KPNA5: variants seen among roughly 807,000 people sequenced by gnomAD.
KPNA5 encodes importin subunit alpha-6.
KPNA5 carries 46 observed loss-of-function variants against 71.3 expected under a neutral mutation model. That is an observed-to-expected ratio of 0.65 (90% CI 0.51 to 0.83). KPNA5 has a LOEUF of 0.83. Among genes scored for constraint, KPNA5 ranks in the 40% least tolerant of loss-of-function variants. KPNA5 has a pLI of 0.00. For synonymous variants in KPNA5, 207 were observed against 201.4 expected (o/e 1.03, Z -0.24); for missense variants, 547 against 628.3 (o/e 0.87, Z 1.38).
rs546404288 is a variant in KPNA5, at chr6:116,722,191, C to T, written c.822C>T (p.Asp274=). The T allele has an allele frequency of 3.3e-5, 54 of 1,613,110 alleles. No homozygotes were observed. The Admixed American group carries it at 6.5e-4, about 19-fold the overall frequency. Residue 274 remains aspartate, a synonymous_variant, in exon 9 of 14, where the codon GAC becomes GAT. Transcript: ENST00000368564. The stretch of plus-strand genomic sequence containing the variant: ...GCAGTGACCCAGATGTGTTAGCAGA[C>T]GTGTGTTGGGCCCTTTCTTATCTCT... ...LFSSDPDVLA[D]VCWALSYLSD...
In KPNA5 at chr6:116,681,275, C is replaced by A; in HGVS notation, c.-60C>A. 1.2e-6 allele frequency: 2 copies of A among 1,605,970 alleles called. No homozygotes were observed. The highest frequency in any genetic ancestry group is 1.7e-6 in the Non-Finnish European group (2 of 1,175,136). ...GGGCGGAGTGGCGGCCCTTCTGTTA[C>A]CCGCCACACACGTCGCCGCTGGGGA... On this transcript the variant is annotated 5_prime_UTR_variant, in exon 1 of 14. Coordinates refer to ENST00000368564, the MANE Select transcript of KPNA5 (RefSeq NM_001366306.2).
At chr6:116,703,938 T>A (rs539359516) in intron 6 of KPNA5, among the ~76,000 whole-genome samples, 10 of 152,196 alleles carry the variant, frequency 6.6e-5, no homozygotes, top group Non-Finnish European at 1.3e-4. Context: ...TTGTGCAAAT[T>A]CCATGGAGTC....
chr6:116,712,412 G>A (rs1290878902), intron 7 of KPNA5, among the ~76,000 whole-genome samples: 1 of 152,174 alleles, frequency 6.6e-6, no homozygotes, highest in Non-Finnish European at 1.5e-5. Context: ...CTAAGATCAA[G>A]TGTATTATTT....
intron 8 of KPNA5, among the ~76,000 whole-genome samples, chr6:116,718,759 A>AT (rs1447837962): frequency 3.3e-5 from 5 of 149,522 alleles, no homozygotes; most frequent in Admixed American, 1.3e-4. Flanking sequence ...TTTTTTTGAA[A>AT]TTTTCTTTTT....
chr6:116,722,110 C>G lies in KPNA5; in HGVS notation c.757-16C>G. 6.7e-7 allele frequency: 1 copy of G among 1,489,756 alleles called. No homozygotes were observed. The highest frequency in any genetic ancestry group is 9.0e-7 in the Non-Finnish European group (1 of 1,114,008). The allele number at this position is 1,489,756 out of a possible 1,614,324, so 92.3% of individuals were successfully genotyped here. ...AATAGAGAAAAAATTTAAATATGCT[C>G]TTTCTTCCCTTACAGGTTTCACCTT... On this transcript the variant is annotated splice_polypyrimidine_tract_variant and intron_variant, in intron 8 of 13. Transcript: ENST00000368564.
At chr6:116,718,111 C>G (rs1038085720) in intron 8 of KPNA5, among the ~76,000 whole-genome samples, 1 of 152,074 alleles carries the variant, frequency 6.6e-6, no homozygotes, top group African/African-American at 2.4e-5. Context: ...GGTGGGGGAG[C>G]AGCCCTCTCA....
In KPNA5 at chr6:116,681,264, C is replaced by T. The variant is rs1777341204; in HGVS notation, c.-71C>T. ...CTTCACGCCAGGGGCGGAGTGGCGG[C>T]CCTTCTGTTACCCGCCACACACGTC... is the stretch of plus-strand genomic sequence containing the variant. On this transcript the variant is annotated 5_prime_UTR_variant, in exon 1 of 14. Transcript: ENST00000368564. 19 of 1,594,712 alleles carry T rather than the reference C, an allele frequency of 1.2e-5. No homozygotes were observed. The highest frequency in any genetic ancestry group is 8.5e-5 in the Admixed American group (5 of 58,900).
At position 116,733,511 on chromosome 6, in the gene KPNA5, A is replaced by G. The variant is rs1779568468; in HGVS notation, c.*1188A>G. The G allele has an allele frequency of 6.6e-6, 1 of 151,606 alleles. No homozygotes were observed. Among genetic ancestry groups the G allele is most frequent in the Admixed American group, 6.6e-5 (1 of 15,158 alleles). 9.4% of individuals were successfully genotyped at this position (151,606 alleles called of 1,614,324 possible). On this transcript the variant is annotated 3_prime_UTR_variant, in exon 14 of 14. Transcript: ENST00000368564. ...AGATTACATTCATGTCAGATTGATC[A>G]ATATGTATGTTTTATGATTTAACAG...
chr6:116,688,119 T>C (rs1777664826), intron 1 of KPNA5, among the ~76,000 whole-genome samples: 1 of 152,128 alleles, frequency 6.6e-6, no homozygotes, highest in Non-Finnish European at 1.5e-5. Flanking sequence ...CATTTCTCTT[T>C]CCTGTTTTTC....
chr6:116,709,662 T>G (rs536794639), intron 7 of KPNA5, among the ~76,000 whole-genome samples: 1 of 152,326 alleles, frequency 6.6e-6, no homozygotes, highest in South Asian at 2.1e-4. Context: ...TGTCTTTGTC[T>G]TCTTTCTTAT....
chr6:116,716,421 T>A, intron 8 of KPNA5, 103 bp downstream of exon 8: 1 of 754,298 alleles, frequency 1.3e-6, no homozygotes, highest in Non-Finnish European at 2.2e-6. Flanking sequence ...GTTTAGTAAT[T>A]ATTTTCTTTA....
At chr6:116,707,281 ATTTAT>A (rs1214305527) in intron 7 of KPNA5, among the ~76,000 whole-genome samples, 6 of 152,178 alleles carry the variant, frequency 3.9e-5, no homozygotes, top group Admixed American at 6.5e-5. Context: ...TGATATTTTA[ATTTAT>A]TTTATTAGTA....
At chr6:116,727,745 A>C (rs968250684) in intron 12 of KPNA5, among the ~76,000 whole-genome samples, 3 of 152,094 alleles carry the variant, frequency 2.0e-5, no homozygotes, top group Non-Finnish European at 4.4e-5. Context: ...ATTATTTGTA[A>C]TCATCATAAT....
At chr6:116,694,865 A>G (rs1254489778) in intron 4 of KPNA5, among the ~76,000 whole-genome samples, 3 of 152,212 alleles carry the variant, frequency 2.0e-5, no homozygotes, top group African/African-American at 7.2e-5. Context: ...GTAGGGGGTC[A>G]AAGGGAATAC....
Position 116,725,870 on chromosome 6 carries a change from G to C in KPNA5, c.1119G>C (p.Gln373His). 1 of 1,612,754 alleles carries C rather than the reference G, an allele frequency of 6.2e-7. No individual in the cohort carries two copies. The highest frequency in any genetic ancestry group is 1.1e-5 in the South Asian group (1 of 90,920). Residue 373 changes from glutamine (Q) to histidine (H), a missense_variant, in exon 11 of 14, where the codon CAG (glutamine) becomes CAC (histidine). Physicochemically the swap from Gln to His is conservative, Grantham distance 24 (BLOSUM62 0). Coordinates refer to ENST00000368564, the MANE Select transcript of KPNA5 (RefSeq NM_001366306.2). ...ACATCACTGCTGGAAATAGAGCTCA[G>C]ATTCAGGTAACTACCCTTCAGATCT... ...VSNITAGNRA[Q>H]IQAVIDANIF...
intron 7 of KPNA5, among the ~76,000 whole-genome samples, chr6:116,708,450 A>G (rs1212104141): frequency 2.6e-5 from 4 of 152,114 alleles, no homozygotes. Context: ...AGTGGGTGTA[A>G]GTTGACTTTT....
Position 116,716,296 on chromosome 6 carries a change from A to G in KPNA5, c.734A>G (p.Asn245Ser). 1 of 1,611,836 alleles carries G rather than the reference A, an allele frequency of 6.2e-7. No homozygotes were observed. Among genetic ancestry groups the G allele is most frequent in the Non-Finnish European group, 8.5e-7 (1 of 1,178,398 alleles). Residue 245 changes from asparagine (N) to serine (S), a missense_variant, in exon 8 of 14, where the codon AAC (asparagine) becomes AGC (serine). Transcript: ENST00000368564. ...CTCTCAAATTTATGTAGAGGCAAAAACCCTCCTCCAAACTTTAGTAAGGTA... is the reference window on the plus strand; with the variant it reads ...CTCTCAAATTTATGTAGAGGCAAAAGCCCTCCTCCAAACTTTAGTAAGGTA... Reference protein sequence around the residue: ...WALSNLCRGKNPPPNFSKVSP... With the variant: ...WALSNLCRGKSPPPNFSKVSP...
chr6:116,684,460 A>G (rs1162680745), intron 1 of KPNA5, among the ~76,000 whole-genome samples: 1 of 151,976 alleles, frequency 6.6e-6, no homozygotes, highest in African/African-American at 2.4e-5. Flanking sequence ...AGGCACTTTT[A>G]TTTTCTGGAT....
intron 7 of KPNA5, among the ~76,000 whole-genome samples, chr6:116,710,902 T>A (rs1427510139): frequency 0.15 from 16,575 of 107,558 alleles, 2,132 homozygotes; most frequent in African/African-American, 0.3. Flanking sequence ...TATTTTTTTT[T>A]TTTTTTTTTT....
Sources: gnomAD v4.1 joint callset for allele counts (sites outside exome capture counted in the v4.1 genomes callset) on GRCh38, gnomAD v4.1.1 for gene constraint, MANE v1.5 for transcripts, NCBI Gene and HGNC (gene_info 2026-07-23, HGNC 2026-07-21) for gene names.